The following PGBD2 variants were observed in gnomAD, a reference collection of about 807,000 sequenced individuals.
PGBD2 encodes piggyBac transposable element derived 2, also known as piggyBac transposable element-derived protein 2.
In PGBD2, 6 loss-of-function variants were observed where a neutral mutation model predicts 8.1. That is an observed-to-expected ratio of 0.74 (90% CI 0.40 to 1.46). The LOEUF (loss-of-function observed/expected upper bound fraction) is 1.46. PGBD2 is among the 40% of genes most tolerant of loss of function. The pLI is 0.02. For synonymous variants in PGBD2, 318 were observed against 272.2 expected (o/e 1.17, Z -1.66); for missense variants, 802 against 739.0 (o/e 1.09, Z -0.99).
chr1:248,885,788 T>G, the PGBD2 span, among the ~76,000 whole-genome samples: 1 of 152,258 alleles, frequency 6.6e-6, no homozygotes, highest in African/African-American at 2.4e-5. Flanking sequence ...TTGAGAGATC[T>G]GTAATATCTG....
At chr1:248,890,116 G>A in the PGBD2 span, among the ~76,000 whole-genome samples, 8 of 151,872 alleles carry the variant, frequency 5.3e-5, no homozygotes, top group East Asian at 7.8e-4. Context: ...TAGTAGAGAC[G>A]GGGTTTCTCC....
At chr1:248,912,398 A>G (rs1250571244) in intron 1 of PGBD2, among the ~76,000 whole-genome samples, 1 of 152,224 alleles carries the variant, frequency 6.6e-6, no homozygotes, top group Non-Finnish European at 1.5e-5. Flanking sequence ...TTTGTTCTGC[A>G]TCGCTGGGCA....
At chr1:248,924,438 T>A (rs146031282), downstream of PGBD2, among the ~76,000 whole-genome samples, 1 of 152,040 alleles carries the variant, frequency 6.6e-6, no homozygotes, top group African/African-American at 2.4e-5. Flanking sequence ...TTTTGCCAAA[T>A]TTTTTTTCAA....
chr1:248,900,281 C>T, the PGBD2 span, among the ~76,000 whole-genome samples: 2 of 151,930 alleles, frequency 1.3e-5, no homozygotes, highest in African/African-American at 2.4e-5. Flanking sequence ...AGAAATACAA[C>T]AACAACAAAA....
chr1:248,875,038 C>CT, the PGBD2 span, among the ~76,000 whole-genome samples: 2 of 152,084 alleles, frequency 1.3e-5, no homozygotes, highest in Admixed American at 1.3e-4. Context: ...TGGCTGACGC[C>CT]TGTAATCCCA....
chr1:248,883,569 G>GTTTTTTT, the PGBD2 span, among the ~76,000 whole-genome samples: 1 of 131,306 alleles, frequency 7.6e-6, no homozygotes, highest in Admixed American at 7.9e-5. Flanking sequence ...TCTGCTGATA[G>GTTTTTTT]TTTCTTTTTT....
chr1:248,904,391 A>G (rs1270955939), upstream of PGBD2, among the ~76,000 whole-genome samples: 1 of 152,186 alleles, frequency 6.6e-6, no homozygotes, highest in Admixed American at 6.5e-5. Context: ...ATTCAAAGCA[A>G]TGCACTGAAA....
the PGBD2 span, among the ~76,000 whole-genome samples, chr1:248,883,880 A>G: frequency 6.6e-6 from 1 of 152,030 alleles, no homozygotes; most frequent in Non-Finnish European, 1.5e-5. Flanking sequence ...TACAGGCATG[A>G]GCCACCGTGC....
chr1:248,904,091 T>C (rs1468781646), upstream of PGBD2, among the ~76,000 whole-genome samples: 1 of 152,006 alleles, frequency 6.6e-6, no homozygotes, highest in Admixed American at 6.6e-5. Context: ...TTTTATTTGT[T>C]AACTCCCTAA....
chr1:248,895,749 G>T, the PGBD2 span, among the ~76,000 whole-genome samples: 1 of 151,712 alleles, frequency 6.6e-6, no homozygotes, highest in Non-Finnish European at 1.5e-5. Context: ...GTGCAGTGGC[G>T]TGATCTTGGC....
upstream of PGBD2, among the ~76,000 whole-genome samples, chr1:248,906,027 C>T (rs574394270): frequency 8.5e-5 from 13 of 152,064 alleles, no homozygotes; most frequent in South Asian, 2.5e-3. Flanking sequence ...CAAAGTAGGA[C>T]AGGGGTGGGA....
intron 1 of PGBD2, among the ~76,000 whole-genome samples, chr1:248,907,042 A>C (rs1010651388): frequency 3.3e-5 from 5 of 152,132 alleles, no homozygotes; most frequent in African/African-American, 1.2e-4. Context: ...ACCGGCACTC[A>C]GCATACCAAG....
chr1:248,908,277 A>G (rs1421873025), intron 1 of PGBD2, among the ~76,000 whole-genome samples: 1 of 152,004 alleles, frequency 6.6e-6, no homozygotes, highest in East Asian at 1.9e-4. Context: ...TCCAGGTCTC[A>G]CACCAAGTTG....
chr1:248,914,008 A>G, intron 2 of PGBD2, 129 bp downstream of exon 2: 1 of 833,324 alleles, frequency 1.2e-6, no homozygotes, highest in Admixed American at 1.9e-5. Flanking sequence ...GTATAAAGGA[A>G]GAAGGGAGAG....
the PGBD2 span, among the ~76,000 whole-genome samples, chr1:248,896,792 A>C: frequency 3.5e-4 from 54 of 152,208 alleles, no homozygotes; most frequent in African/African-American, 1.3e-3. Flanking sequence ...ATGGAGAGCA[A>C]GGAAAAGCAA....
intron 1 of PGBD2, among the ~76,000 whole-genome samples, chr1:248,910,435 C>G (rs969110515): frequency 4.6e-5 from 7 of 152,168 alleles, no homozygotes; most frequent in African/African-American, 1.7e-4. Context: ...ACTGTTTTCA[C>G]AGTGCAGTGA....
At chr1:248,914,502 A>G (rs1371527515) in intron 2 of PGBD2, 14 of 1,289,146 alleles carry the variant, frequency 1.1e-5, no homozygotes, top group Non-Finnish European at 1.4e-5. Context: ...GTCAGTCTCC[A>G]GGAAGTGAGG....
intron 1 of PGBD2, among the ~76,000 whole-genome samples, chr1:248,907,085 C>T (rs1211359820): frequency 6.6e-6 from 1 of 152,098 alleles, no homozygotes; most frequent in Non-Finnish European, 1.5e-5. Context: ...TGAGTTCCCT[C>T]AGTTTTTATT....
the PGBD2 span, among the ~76,000 whole-genome samples, chr1:248,880,918 T>C: frequency 6.6e-6 from 1 of 152,214 alleles, no homozygotes; most frequent in African/African-American, 2.4e-5. Flanking sequence ...GTTTAATTTG[T>C]TCCCTAGTCA....
Sources: gnomAD v4.1 joint callset for allele counts (sites outside exome capture counted in the v4.1 genomes callset) on GRCh38, gnomAD v4.1.1 for gene constraint, MANE v1.5 for transcripts, NCBI Gene and HGNC (gene_info 2026-07-23, HGNC 2026-07-21) for gene names.